The following SPG7 variants were observed in gnomAD, a reference collection of about 807,000 sequenced individuals.
SPG7 encodes SPG7 matrix AAA peptidase subunit, paraplegin.
Under a neutral mutation model 81.9 loss-of-function variants are expected in SPG7, and 103 were observed. The observed-to-expected ratio is 1.26, with a 90% CI of 1.07 to 1.48. SPG7 has a LOEUF of 1.48. Ranked by LOEUF, SPG7 falls within the 40% of genes most tolerant of loss-of-function variation. The probability of loss-of-function intolerance (pLI) is 0.00; values close to 1 mark genes in which losing one functional copy is unlikely to be tolerated. For missense variants in SPG7, 1,241 were observed against 1,087.3 expected, an observed-to-expected ratio of 1.14 and a Z score of -1.99; for synonymous variants, 534 against 444.2, an observed-to-expected ratio of 1.20 and a Z score of -2.54.
intron 13 of SPG7, chr16:89,552,360 C>G (rs1328235911): frequency 1.3e-5 from 2 of 157,702 alleles, no homozygotes; most frequent in African/African-American, 4.8e-5. Flanking sequence ...CCCGCCCAGC[C>G]TAGTTTTAGA....
chr16:89,532,105 G>T (rs746199242), intron 8 of SPG7, 39 bp downstream of exon 8: 1 of 1,601,994 alleles, frequency 6.2e-7, no homozygotes, highest in Non-Finnish European at 8.5e-7. Flanking sequence ...GGGCTTGGCT[G>T]ACTACCTGGC....
chr16:89,530,179 C>T, intron 6 of SPG7: 1 of 273,860 alleles, frequency 3.7e-6, no homozygotes, highest in Non-Finnish European at 6.9e-6. Flanking sequence ...GAGTCTGGCT[C>T]TGTTGCCCAG....
In SPG7 at chr16:89,512,916, T is replaced by C. The variant is rs150338475; in HGVS notation, c.287-32T>C. 2.8e-4 allele frequency: 447 copies of C among 1,610,230 alleles called. No homozygotes were observed. In the African/African-American group the frequency reaches 5.1e-3, roughly 18 times the overall value. On this transcript the variant is annotated intron_variant, in intron 2 of 16. Coordinates refer to ENST00000645818, the MANE Select transcript of SPG7 (RefSeq NM_003119.4). Reference sequence around the variant, plus strand: ...ATGCCTCCCCTGTGGTTGCAAAACTTAATTGTTAAATCCTTTCTCTATTTC... The same window carrying C: ...ATGCCTCCCCTGTGGTTGCAAAACTCAATTGTTAAATCCTTTCTCTATTTC...
rs1409164640 is a variant in SPG7 at position 89,510,610 on chromosome 16, G to A, written c.286+18G>A. On this transcript the variant is annotated intron_variant, in intron 2 of 16. Coordinates refer to ENST00000645818, the MANE Select transcript of SPG7 (RefSeq NM_003119.4). ...ACTTTTAGGTATGTATCTGTTTAAA[G>A]AAGCAGCTGAGCATGACTGCACACT... 6.7e-7 allele frequency: 1 copy of A among 1,482,156 alleles called. No individual in the cohort carries two copies. The highest frequency in any genetic ancestry group is 2.3e-5 in the East Asian group (1 of 44,278). The allele number at this position is 1,482,156 out of a possible 1,614,324, so 91.8% of individuals were successfully genotyped here.
At chr16:89,556,604 G>T (rs113066938) in intron 16 of SPG7, 1 of 461,696 alleles carries the variant, frequency 2.2e-6, no homozygotes, top group Admixed American at 3.4e-5. Flanking sequence ...AGACACACAC[G>T]TCTTGTTTGG....
At position 89,524,236 on chromosome 16, in the gene SPG7, T is replaced by C. The variant is rs2152399577; in HGVS notation, c.607T>C (p.Phe203Leu). The change falls in exon 4 of 17, where the codon TTT (phenylalanine) becomes CTT (leucine). Residue 203 changes from phenylalanine to leucine, a missense_variant. By Grantham distance (22) the Phe-to-Leu change is conservative. Transcript: ENST00000645818. ...CTACCTGCACCCTGGAGCCGTGGTGTTTGGGCGGCCTGTGAGTGAGGGTGC... is the reference window on the plus strand; with the variant it reads ...CTACCTGCACCCTGGAGCCGTGGTGCTTGGGCGGCCTGTGAGTGAGGGTGC... The part of the protein sequence containing the change: ...EVYLHPGAVV[F>L]GRPRLALMYR... 1 of 1,610,554 alleles carries C rather than the reference T, an allele frequency of 6.2e-7. No individual in the cohort carries two copies. Among genetic ancestry groups the C allele is most frequent in the Middle Eastern group, 1.9e-4 (1 of 5,358 alleles).
intron 9 of SPG7, among the ~76,000 whole-genome samples, chr16:89,535,877 C>G (rs677939): frequency 0.14 from 9,535 of 67,268 alleles, 315 homozygotes; most frequent in Middle Eastern, 0.23. Context: ...GTGGCCTTCA[C>G]TGTGGCCTCT....
intron 13 of SPG7, chr16:89,551,164 C>T: frequency 5.4e-6 from 1 of 184,762 alleles, no homozygotes; most frequent in Non-Finnish European, 1.2e-5. Context: ...TAAGACGTGG[C>T]TCCACCACCG....
chr16:89,539,891 T>C (rs891952396), intron 9 of SPG7: 3 of 152,170 alleles, frequency 2.0e-5, no homozygotes, highest in African/African-American at 4.8e-5. Flanking sequence ...GGGTATCTTA[T>C]AGAAGTTTTA....
intron 1 of SPG7, chr16:89,509,026 C>T: frequency 2.2e-6 from 1 of 454,810 alleles, no homozygotes; most frequent in South Asian, 1.6e-5. Flanking sequence ...CAGAACGTTT[C>T]TGTGTCCGCA....
chr16:89,530,621 G>A, intron 6 of SPG7, 62 bp from the exon 7 acceptor site: 4 of 1,610,076 alleles, frequency 2.5e-6, no homozygotes, highest in East Asian at 2.2e-5. Context: ...GCTGAGCGCT[G>A]GCATCGTGCT....
At chr16:89,536,647 G>C in intron 9 of SPG7, 1 of 1,242,914 alleles carries the variant, frequency 8.0e-7, no homozygotes. Context: ...CGGGCGAGGT[G>C]GGCGAGGCAG....
chr16:89,548,256 T>C, intron 12 of SPG7, 143 bp downstream of exon 12: 1 of 657,428 alleles, frequency 1.5e-6, no homozygotes, highest in Non-Finnish European at 2.8e-6. Flanking sequence ...GCGTAACTCA[T>C]GTCTTTATGA....
rs377211352 is a variant in SPG7 at position 89,531,909 on chromosome 16, A to G, written c.993A>G (p.Pro331=). 1.3e-5 allele frequency: 21 copies of G among 1,614,110 alleles called. No individual in the cohort carries two copies. The highest frequency in any genetic ancestry group is 1.6e-4 in the Middle Eastern group (1 of 6,062). The change falls in exon 8 of 17, where the codon CCA becomes CCG. Residue 331 remains proline, a synonymous_variant. Coordinates refer to ENST00000645818, the MANE Select transcript of SPG7 (RefSeq NM_003119.4). ...CATTGTCTGCTGCCGTCCAGAGCCCAGAACGCTTCCTCCAGCTTGGCGCCA... is the reference window on the plus strand; with the variant it reads ...CATTGTCTGCTGCCGTCCAGAGCCCGGAACGCTTCCTCCAGCTTGGCGCCA... ...VREFVDYLKS[P]ERFLQLGAKV... is the part of the protein sequence containing the mutation.
chr16:89,532,711 G>A, intron 9 of SPG7, 75 bp downstream of exon 9: 1 of 1,573,478 alleles, frequency 6.4e-7, no homozygotes, highest in Non-Finnish European at 8.7e-7. Context: ...AACAGGTTGT[G>A]GTGAGCCAAG....
intron 9 of SPG7, chr16:89,533,010 C>T: frequency 3.7e-6 from 1 of 269,990 alleles, no homozygotes; most frequent in Non-Finnish European, 7.0e-6. Flanking sequence ...GTGGAGGTTG[C>T]AGTGAGCCAA....
intron 1 of SPG7, among the ~76,000 whole-genome samples, chr16:89,509,966 T>G (rs750176085): frequency 4.6e-5 from 7 of 151,038 alleles, no homozygotes; most frequent in Non-Finnish European, 8.9e-5. Flanking sequence ...TATCGTGATT[T>G]TTTGTTTGTT....
chr16:89,508,628 C>T (rs1341781551), intron 1 of SPG7, 28 bp downstream of exon 1: 2 of 1,432,746 alleles, frequency 1.4e-6, no homozygotes, highest in Admixed American at 2.8e-5. Flanking sequence ...CCGGGCCCCA[C>T]CTCCCGCCCG....
chr16:89,546,986 G>C, intron 11 of SPG7: 1 of 535,174 alleles, frequency 1.9e-6, no homozygotes, highest in South Asian at 1.9e-5. Context: ...GCAGACGGTG[G>C]TTCCCGGTCT....
Sources: allele counts gnomAD v4.1 joint callset (sites outside exome capture counted in the v4.1 genomes callset), GRCh38; gene constraint gnomAD v4.1.1; transcripts MANE v1.5; gene names NCBI Gene and HGNC (gene_info 2026-07-23, HGNC 2026-07-21).